Variants in DYRK1A observed in about 807,000 individuals in gnomAD.
DYRK1A encodes the protein dual specificity tyrosine phosphorylation regulated kinase 1A.
A neutral mutation model predicts 79.7 loss-of-function variants in DYRK1A; 9 were observed. That is an observed-to-expected ratio of 0.11 (90% confidence interval 0.07 to 0.20). The LOEUF (loss-of-function observed/expected upper bound fraction) is 0.20, where lower values mean the gene tolerates loss of function less well. DYRK1A is among the 10% of genes least tolerant of loss of function. The pLI is 1.00. For synonymous variants in DYRK1A, 349 were observed against 329.7 expected, an observed-to-expected ratio of 1.06 and a Z score of -0.63; for missense variants, 622 against 956.0, an observed-to-expected ratio of 0.65 and a Z score of 4.61.
In DYRK1A at chr21:37,512,626, G is replaced by C; in HGVS notation, c.*95G>C. The C allele has an allele frequency of 1.4e-6, 2 of 1,433,240 alleles. No homozygotes were observed. The highest frequency in any genetic ancestry group is 2.3e-5 in the East Asian group (1 of 43,802). 88.8% of individuals were successfully genotyped at this position (1,433,240 alleles called of 1,614,324 possible). ...TGCAAAGCTGCTTGAATCAGGAGGA[G>C]ATTAACACACTGAACCGCTACAAGA... On this transcript the variant is annotated 3_prime_UTR_variant, in exon 12 of 12. Transcript: ENST00000647188.
intron 11 of DYRK1A, among the ~76,000 whole-genome samples, chr21:37,508,413 G>C (rs1394645289): frequency 2.6e-5 from 4 of 152,158 alleles, no homozygotes; most frequent in Non-Finnish European, 4.4e-5. Context: ...TCAGCCTCCT[G>C]AGTAGCTGGG....
intron 2 of DYRK1A, among the ~76,000 whole-genome samples, chr21:37,454,085 CTTTTTTTTTTTTT>C (rs571859735): frequency 1.7e-4 from 10 of 59,614 alleles, no homozygotes; most frequent in Admixed American, 7.8e-4. Flanking sequence ...ATGTAGTCTC[CTTTTTTTTTTTTT>C]TTTTTTTTTT....
chr21:37,505,794 T>C (rs919498183), intron 10 of DYRK1A, among the ~76,000 whole-genome samples: 2 of 152,240 alleles, frequency 1.3e-5, no homozygotes, highest in Admixed American at 1.3e-4. Context: ...TGCTTGGCAG[T>C]TGGAAATCTG....
At chr21:37,373,216 C>G (rs1050950265) in intron 1 of DYRK1A, among the ~76,000 whole-genome samples, 2 of 152,124 alleles carry the variant, frequency 1.3e-5, no homozygotes, top group African/African-American at 4.8e-5. Context: ...GGCTGCCCTG[C>G]CCAGGATTTT....
intron 2 of DYRK1A, among the ~76,000 whole-genome samples, chr21:37,443,666 G>A (rs1432520488): frequency 6.6e-5 from 10 of 152,208 alleles, no homozygotes; most frequent in African/African-American, 1.4e-4. Context: ...TCCAATGCTC[G>A]GTGAGTATCG....
At chr21:37,429,593 C>T (rs916905740) in intron 2 of DYRK1A, among the ~76,000 whole-genome samples, 9 of 152,136 alleles carry the variant, frequency 5.9e-5, no homozygotes, top group Admixed American at 1.3e-4. Context: ...GTGAGAATAG[C>T]AAGGGGGAGG....
chr21:37,479,620 T>TTTG (rs1569362397), intron 4 of DYRK1A, among the ~76,000 whole-genome samples: 1 of 77,700 alleles, frequency 1.3e-5, no homozygotes, highest in Non-Finnish European at 2.3e-5. Context: ...TTGTTTTTTG[T>TTTG]TTTTTTTTTT....
At chr21:37,503,069 A>G (rs534643509) in intron 9 of DYRK1A, 1 of 146,574 alleles carries the variant, frequency 6.8e-6, no homozygotes, top group East Asian at 2.1e-4. Flanking sequence ...TCTTTGTTTG[A>G]TTTCCGCAGT....
At chr21:37,413,797 G>A (rs1451936845) in intron 1 of DYRK1A, among the ~76,000 whole-genome samples, 4 of 152,054 alleles carry the variant, frequency 2.6e-5, no homozygotes, top group African/African-American at 9.7e-5. Flanking sequence ...TTTTGTGTAG[G>A]TGACATAAAA....
chr21:37,394,877 A>C (rs983875702), intron 1 of DYRK1A, among the ~76,000 whole-genome samples: 3 of 152,224 alleles, frequency 2.0e-5, no homozygotes, highest in African/African-American at 7.2e-5. Flanking sequence ...GAAATCCTGA[A>C]TATGTACTTC....
At chr21:37,381,713 G>T (rs1237309813) in intron 1 of DYRK1A, among the ~76,000 whole-genome samples, 1 of 152,178 alleles carries the variant, frequency 6.6e-6, no homozygotes, top group Non-Finnish European at 1.5e-5. Flanking sequence ...GCTTGATTCT[G>T]GGAGGTTGAG....
intron 1 of DYRK1A, among the ~76,000 whole-genome samples, chr21:37,402,679 C>T (rs2050074546): frequency 6.6e-6 from 1 of 151,896 alleles, no homozygotes; most frequent in Non-Finnish European, 1.5e-5. Flanking sequence ...TGATATTGTT[C>T]CACAGGTCAC....
At chr21:37,398,649 ACT>A (rs1362713845) in intron 1 of DYRK1A, among the ~76,000 whole-genome samples, 1 of 152,120 alleles carries the variant, frequency 6.6e-6, no homozygotes, top group African/African-American at 2.4e-5. Context: ...TATGTGGAAG[ACT>A]CTGCTTTGTA....
chr21:37,426,557 A>T (rs1467800662), intron 2 of DYRK1A, among the ~76,000 whole-genome samples: 1 of 152,132 alleles, frequency 6.6e-6, no homozygotes, highest in Non-Finnish European at 1.5e-5. Flanking sequence ...AAGATAATTT[A>T]AAAAATGAAA....
chr21:37,491,455 T>C (rs1424932864), intron 7 of DYRK1A, among the ~76,000 whole-genome samples: 1 of 152,210 alleles, frequency 6.6e-6, no homozygotes, highest in Non-Finnish European at 1.5e-5. Context: ...ACTTTTCTGT[T>C]TCTTATTTTT....
chr21:37,412,422 G>A (rs879668797), intron 1 of DYRK1A, among the ~76,000 whole-genome samples: 3 of 152,158 alleles, frequency 2.0e-5, no homozygotes, highest in Non-Finnish European at 4.4e-5. Context: ...CTGGGTCCAG[G>A]ATTCATCTGT....
At chr21:37,418,334 T>TA (rs1450345741) in intron 1 of DYRK1A, among the ~76,000 whole-genome samples, 1 of 152,196 alleles carries the variant, frequency 6.6e-6, no homozygotes, top group East Asian at 1.9e-4. Context: ...GATTAATGGA[T>TA]AATGTTTCAA....
intron 3 of DYRK1A, among the ~76,000 whole-genome samples, chr21:37,476,818 T>TCCCCCC (rs71328590): frequency 1.5e-4 from 12 of 78,178 alleles, no homozygotes; most frequent in African/African-American, 3.6e-4. Flanking sequence ...CACCAAGGGT[T>TCCCCCC]CCCCCCCCCC....
chr21:37,452,326 T>G, intron 2 of DYRK1A, among the ~76,000 whole-genome samples: 1 of 137,788 alleles, frequency 7.3e-6, no homozygotes, highest in Admixed American at 7.6e-5. Context: ...GAGGCCAAAG[T>G]CACAGAATGT....
Sources: gnomAD v4.1 joint callset for allele counts (sites outside exome capture counted in the v4.1 genomes callset) on GRCh38, gnomAD v4.1.1 for gene constraint, MANE v1.5 for transcripts, NCBI Gene and HGNC (gene_info 2026-07-23, HGNC 2026-07-21) for gene names.